HECW2: variants seen among roughly 807,000 people sequenced by gnomAD.
The protein encoded by HECW2 is E3 ubiquitin-protein ligase HECW2.
A neutral mutation model predicts 175.2 loss-of-function variants in HECW2; 61 were observed. That is an observed-to-expected ratio of 0.35 (90% CI 0.28 to 0.43). The LOEUF is 0.43. HECW2 is among the 20% of genes least tolerant of loss of function. The pLI is 1.00. For synonymous variants in HECW2, 671 were observed against 731.0 expected (o/e 0.92, Z 1.32); for missense variants, 1,524 against 2,000.5 (o/e 0.76, Z 4.54).
At chr2:196,348,830 C>T (rs868080343) in intron 2 of HECW2, among the ~76,000 whole-genome samples, 8 of 152,290 alleles carry the variant, frequency 5.3e-5, no homozygotes, top group South Asian at 4.1e-4. Flanking sequence ...TTCCCTTTCT[C>T]GTTTCTCTTA....
At chr2:196,214,526 G>A (rs1687401204) in intron 28 of HECW2, among the ~76,000 whole-genome samples, 1 of 152,160 alleles carries the variant, frequency 6.6e-6, no homozygotes, top group South Asian at 2.1e-4. Flanking sequence ...TTGAAGGGGA[G>A]AAAACTCATT....
intron 28 of HECW2, among the ~76,000 whole-genome samples, chr2:196,207,496 A>G (rs1356624657): frequency 6.6e-6 from 1 of 152,172 alleles, no homozygotes; most frequent in Non-Finnish European, 1.5e-5. Context: ...GTAGGGCACA[A>G]ATATGTGTGT....
intron 13 of HECW2, among the ~76,000 whole-genome samples, chr2:196,301,936 C>T (rs1321575351): frequency 6.6e-6 from 1 of 152,012 alleles, no homozygotes; most frequent in Non-Finnish European, 1.5e-5. Context: ...GCTTTTGGTA[C>T]TTTTGTCATG....
chr2:196,285,144 C>T (rs1158202242), intron 14 of HECW2, among the ~76,000 whole-genome samples: 1 of 152,152 alleles, frequency 6.6e-6, no homozygotes, highest in Non-Finnish European at 1.5e-5. Context: ...AAATACATTT[C>T]TTTCTTTACA....
intron 16 of HECW2, among the ~76,000 whole-genome samples, chr2:196,273,214 C>A (rs1029974684): frequency 6.6e-6 from 1 of 151,884 alleles, no homozygotes; most frequent in African/African-American, 2.4e-5. Flanking sequence ...CCTACAGGTG[C>A]GTGCCACCAT....
At chr2:196,284,590 T>C (rs556117429) in intron 14 of HECW2, among the ~76,000 whole-genome samples, 1 of 152,232 alleles carries the variant, frequency 6.6e-6, no homozygotes, top group East Asian at 1.9e-4. Context: ...TTGTGAAAAA[T>C]AGATTCTACT....
rs1170536663 is a variant in HECW2, at chr2:196,196,936, T to A, written c.*4341A>T. 1 of 151,758 alleles carries A rather than the reference T, an allele frequency of 6.6e-6. No homozygotes were observed. The highest frequency in any genetic ancestry group is 1.5e-5 in the Non-Finnish European group (1 of 68,014). The allele number at this position is 151,758 out of a possible 1,614,324, so 9.4% of individuals were successfully genotyped here. On this transcript the variant is annotated 3_prime_UTR_variant, in exon 29 of 29. Transcript: ENST00000644978. ...CTTGTCTCTACAAAAATACAAAAAT[T>A]AGCCAGGTGTGGTGGTATGCGCCTG...
intron 5 of HECW2, among the ~76,000 whole-genome samples, chr2:196,325,784 A>T (rs565970538): frequency 6.6e-6 from 1 of 152,370 alleles, no homozygotes; most frequent in East Asian, 1.9e-4. Flanking sequence ...GCTACCTGCT[A>T]TTTTAAATAG....
At chr2:196,415,192 G>C (rs1695220600) in intron 2 of HECW2, among the ~76,000 whole-genome samples, 1 of 152,140 alleles carries the variant, frequency 6.6e-6, no homozygotes, top group Admixed American at 6.5e-5. Flanking sequence ...TGTTATCTTT[G>C]TCAAAAACAT....
intron 28 of HECW2, among the ~76,000 whole-genome samples, chr2:196,202,983 G>T (rs1686921009): frequency 6.6e-6 from 1 of 152,058 alleles, no homozygotes; most frequent in Non-Finnish European, 1.5e-5. Context: ...TACATAATTT[G>T]GTTCATGAAA....
chr2:196,232,441 G>A (rs1430818208), intron 21 of HECW2, among the ~76,000 whole-genome samples: 1 of 152,204 alleles, frequency 6.6e-6, no homozygotes, highest in Non-Finnish European at 1.5e-5. Flanking sequence ...CTGATACACA[G>A]TGGGGGCTCA....
chr2:196,213,547 C>A (rs1426422269), intron 28 of HECW2, among the ~76,000 whole-genome samples: 1 of 152,124 alleles, frequency 6.6e-6, no homozygotes, highest in Non-Finnish European at 1.5e-5. Context: ...AAAGATGGGG[C>A]TTGTTACGGA....
rs1695015245 is a variant in HECW2, at chr2:196,408,210, A to G, written c.292+24922T>C. ...ATCTGAAGTCACAGGCTAGAGACAT[A>G]TGCTATATATTTTTTTCATGCTCTG... On this transcript the variant is annotated intron_variant, in intron 2 of 28. Transcript: ENST00000644978. Among the ~76,000 whole-genome samples the G allele has an allele frequency of 2.0e-5, 3 of 152,252 alleles. No individual in the cohort carries two copies. In the South Asian group the frequency reaches 6.2e-4, roughly 31 times the overall value.
intron 2 of HECW2, among the ~76,000 whole-genome samples, chr2:196,383,405 C>T (rs1442283648): frequency 6.6e-6 from 1 of 152,100 alleles, no homozygotes; most frequent in African/African-American, 2.4e-5. Flanking sequence ...TCCATGGAAA[C>T]AGATGAGATT....
At chr2:196,280,813 A>C (rs2105993698) in intron 14 of HECW2, among the ~76,000 whole-genome samples, 1 of 152,336 alleles carries the variant, frequency 6.6e-6, no homozygotes, top group Admixed American at 6.5e-5. Context: ...ATAAAATAGC[A>C]ATTAAACTAT....
At chr2:196,305,782 C>T (rs1339193747) in intron 13 of HECW2, among the ~76,000 whole-genome samples, 5 of 152,118 alleles carry the variant, frequency 3.3e-5, no homozygotes, top group Non-Finnish European at 7.4e-5. Context: ...TTTCTTATAT[C>T]CTAGTACAGG....
At chr2:196,552,285 T>C (rs1689625949) in intron 1 of HECW2, among the ~76,000 whole-genome samples, 1 of 152,234 alleles carries the variant, frequency 6.6e-6, no homozygotes, top group South Asian at 2.1e-4. Context: ...CAATCAGGTT[T>C]GTGTGAGAAA....
intron 2 of HECW2, among the ~76,000 whole-genome samples, chr2:196,386,948 C>T (rs866858465): frequency 6.6e-6 from 1 of 152,118 alleles, no homozygotes; most frequent in African/African-American, 2.4e-5. Context: ...TAGCTTATAA[C>T]AAGGCTATAA....
intron 2 of HECW2, among the ~76,000 whole-genome samples, chr2:196,423,283 G>A (rs993488319): frequency 6.6e-6 from 1 of 152,072 alleles, no homozygotes; most frequent in South Asian, 2.1e-4. Flanking sequence ...CATAATATTG[G>A]TGGTTTAAGT....
Sources: allele counts gnomAD v4.1 joint callset (sites outside exome capture counted in the v4.1 genomes callset), GRCh38; gene constraint gnomAD v4.1.1; transcripts MANE v1.5; gene names NCBI Gene and HGNC (gene_info 2026-07-23, HGNC 2026-07-21).